The following ERCC6 variants were observed in gnomAD, a reference collection of about 807,000 sequenced individuals.
The protein encoded by ERCC6 is ERCC excision repair 6, chromatin remodeling factor.
In ERCC6, 116 loss-of-function variants were observed where a neutral mutation model predicts 158.7. That is an observed-to-expected ratio of 0.73 (90% CI 0.63 to 0.85). ERCC6 has a LOEUF of 0.85. Among genes scored for constraint, ERCC6 ranks in the 40% least tolerant of loss-of-function variants. The pLI, the probability that ERCC6 is intolerant of heterozygous loss-of-function variation, is 0.00. For missense variants in ERCC6, 1,698 were observed against 1,799.4 expected, an observed-to-expected ratio of 0.94 and a Z score of 1.02; for synonymous variants, 678 against 659.3, an observed-to-expected ratio of 1.03 and a Z score of -0.43.
chr10:49,515,646 C>A, intron 5 of ERCC6: 1 of 1,614,060 alleles, frequency 6.2e-7, no homozygotes, highest in South Asian at 1.1e-5. Context: ...CAGTTCGAAA[C>A]AGAACAAAAG....
At chr10:49,461,640 T>C in intron 18 of ERCC6, 84 bp from the exon 19 acceptor site, 2 of 1,371,822 alleles carry the variant, frequency 1.5e-6, no homozygotes, top group Non-Finnish European at 2.0e-6. Context: ...TACAGTACTG[T>C]AGTAGACAAA....
Position 49,470,836 on chromosome 10 carries a change from G to C in ERCC6, c.3124C>G (p.Pro1042Ala), listed in dbSNP as rs1347404070. The C allele has an allele frequency of 1.2e-6, 2 of 1,614,024 alleles. No individual in the cohort carries two copies. Among genetic ancestry groups the C allele is most frequent in the Non-Finnish European group, 1.7e-6 (2 of 1,180,014 alleles). ...PKCHLKRRIQ[P>A]AFGADHDVPK... is the part of the protein sequence containing the mutation. ...ACATCATGGTCTGCTCCAAAGGCTG[G>C]TTGAATCCTTCTTTTTAGATGGCAT... Residue 1042 changes from proline (P) to alanine (A), a missense_variant, in exon 18 of 21, where the codon CCA (proline) becomes GCA (alanine). Pro to Ala is a conservative substitution (Grantham distance 27, BLOSUM62 -1). Transcript: ENST00000355832.
chr10:49,472,775 T>C (rs1221836295), intron 15 of ERCC6, 134 bp downstream of exon 15: 26 of 1,103,518 alleles, frequency 2.4e-5, no homozygotes, highest in Admixed American at 1.2e-4. Flanking sequence ...TTCTTTCACG[T>C]TGAAGAACAG....
chr10:49,526,143 A>T (rs200563217), intron 4 of ERCC6, among the ~76,000 whole-genome samples: 415 of 25,974 alleles, frequency 0.016, 24 homozygotes, highest in Middle Eastern at 0.025. Context: ...ATATATATAT[A>T]TATATATATA....
At chr10:49,533,107 G>T (rs1837512420) in intron 1 of ERCC6, 129 bp from the exon 2 acceptor site, 3 of 1,156,586 alleles carry the variant, frequency 2.6e-6, no homozygotes, top group Non-Finnish European at 3.6e-6. Context: ...ATAAATTCAA[G>T]TTTCCAAGTA....
intron 5 of ERCC6, among the ~76,000 whole-genome samples, chr10:49,520,540 G>A (rs1221537373): frequency 1.3e-5 from 2 of 152,188 alleles, no homozygotes; most frequent in Non-Finnish European, 2.9e-5. Flanking sequence ...GCCTGACCAA[G>A]CAGTGCTGAC....
At chr10:49,505,775 C>A in intron 6 of ERCC6, 109 bp downstream of exon 6, 1 of 1,309,954 alleles carries the variant, frequency 7.6e-7, no homozygotes, top group Non-Finnish European at 1.1e-6. Context: ...CAACAAATTG[C>A]TGCAAGTACC....
intron 5 of ERCC6, among the ~76,000 whole-genome samples, chr10:49,508,073 G>A (rs546843502): frequency 5.3e-5 from 8 of 152,192 alleles, no homozygotes; most frequent in African/African-American, 1.4e-4. Context: ...AACTATGAAC[G>A]CAGAGCCAAA....
At chr10:49,494,396 A>C (rs1851229882) in intron 7 of ERCC6, among the ~76,000 whole-genome samples, 1 of 152,254 alleles carries the variant, frequency 6.6e-6, no homozygotes, top group African/African-American at 2.4e-5. Context: ...CATTTTGAAG[A>C]AGTTAATAAA....
chr10:49,490,156 T>A (rs557809430), intron 8 of ERCC6, among the ~76,000 whole-genome samples: 38 of 152,222 alleles, frequency 2.5e-4, no homozygotes, highest in African/African-American at 8.7e-4. Flanking sequence ...AAACTATCAG[T>A]TGTATATTTT....
intron 10 of ERCC6, among the ~76,000 whole-genome samples, chr10:49,482,348 G>A (rs1245401176): frequency 6.6e-6 from 1 of 152,072 alleles, no homozygotes; most frequent in Non-Finnish European, 1.5e-5. Context: ...AAACTGATTT[G>A]TCCTTGTTTC....
Position 49,472,896 on chromosome 10 carries a change from A to G in ERCC6, c.2829+13T>C. 6.2e-7 allele frequency: 1 copy of G among 1,611,444 alleles called. No individual in the cohort carries two copies. The highest frequency in any genetic ancestry group is 1.1e-5 in the South Asian group (1 of 90,668). On this transcript the variant is annotated intron_variant, in intron 15 of 20. Transcript: ENST00000355832. ...TACTAATACATTCTTTTAAAAAAAA[A>G]ATAAAAACAAACCTGCGTGTCCGTG...
At chr10:49,496,976 C>T (rs1009261957) in intron 7 of ERCC6, among the ~76,000 whole-genome samples, 4 of 152,166 alleles carry the variant, frequency 2.6e-5, no homozygotes, top group Non-Finnish European at 4.4e-5. Context: ...ATGAGGCCTA[C>T]CCTTATACTC....
chr10:49,460,190 GA>G, intron 20 of ERCC6, 182 bp downstream of exon 20: 5 of 642,470 alleles, frequency 7.8e-6, no homozygotes, highest in Non-Finnish European at 8.3e-6. Flanking sequence ...TTGTCTTTAG[GA>G]AATCAGCAGG....
At chr10:49,434,896 C>T in the ERCC6 span, among the ~76,000 whole-genome samples, 3,667 of 151,544 alleles carry the variant, frequency 0.024, 161 homozygotes, top group African/African-American at 0.083. Flanking sequence ...GAAATAAATC[C>T]AAATTTATTA....
At chr10:49,515,569 GAA>G in intron 5 of ERCC6, 1 of 1,614,060 alleles carries the variant, frequency 6.2e-7, no homozygotes, top group Non-Finnish European at 8.5e-7. Flanking sequence ...ACACGTCGAC[GAA>G]ACTCCAGAAA....
chr10:49,532,508 A>T, intron 2 of ERCC6, 35 bp downstream of exon 2: 1 of 1,610,852 alleles, frequency 6.2e-7, no homozygotes, highest in Non-Finnish European at 8.5e-7. Context: ...ATGTTTTACC[A>T]CCACTTTGAA....
At chr10:49,534,978 G>A (rs781179884) in intron 1 of ERCC6, among the ~76,000 whole-genome samples, 4 of 152,172 alleles carry the variant, frequency 2.6e-5, no homozygotes, top group African/African-American at 4.8e-5. Context: ...CCCGGGACAC[G>A]GACAAGAGGT....
At position 49,493,217 on chromosome 10, in the gene ERCC6, G is replaced by A; in HGVS notation, c.1721C>T (p.Pro574Leu). ...CACCCACTGATGCATCACTGTTGTT[G>A]GACAGACAATTACAGTTGGACCCAA... ...EGLGPTVIVC[P>L]TTVMHQWVKE... Residue 574 changes from proline to leucine, a missense_variant, in exon 8 of 21, where the codon CCA becomes CTA. Pro to Leu is a moderately conservative substitution (Grantham distance 98). Transcript: ENST00000355832. 6.2e-7 allele frequency: 1 copy of A among 1,614,018 alleles called. No individual in the cohort carries two copies. Among genetic ancestry groups the A allele is most frequent in the Non-Finnish European group, 8.5e-7 (1 of 1,179,996 alleles).
Sources: gnomAD v4.1 joint callset for allele counts (sites outside exome capture counted in the v4.1 genomes callset) on GRCh38, gnomAD v4.1.1 for gene constraint, MANE v1.5 for transcripts, NCBI Gene and HGNC (gene_info 2026-07-23, HGNC 2026-07-21) for gene names.